TAMM41: variants seen among roughly 807,000 people sequenced by gnomAD.
TAMM41 encodes the protein TAM41 mitochondrial translocator assembly and maintenance homolog.
In TAMM41, 36 loss-of-function variants were observed where a neutral mutation model predicts 44.1. The observed-to-expected ratio is 0.82, with a 90% CI of 0.63 to 1.08. The LOEUF (loss-of-function observed/expected upper bound fraction) is 1.08. TAMM41 is among the 50% of genes least tolerant of loss of function. TAMM41 has a pLI of 0.00. For missense variants in TAMM41, 417 were observed against 404.3 expected (o/e 1.03, Z -0.27); for synonymous variants, 164 against 153.1 (o/e 1.07, Z -0.53).
At chr3:11,725,454 C>CCTTCTCCTCCTCCTCCTCCTT in the TAMM41 span, among the ~76,000 whole-genome samples, 1 of 137,722 alleles carries the variant, frequency 7.3e-6, no homozygotes, top group African/African-American at 2.8e-5. Context: ...TCCTCCTCCT[C>CCTTCTCCTCCTCCTCCTCCTT]CTTCTTCTTC....
the TAMM41 span, among the ~76,000 whole-genome samples, chr3:11,725,295 TCTC>T: frequency 6.1e-5 from 6 of 97,828 alleles, no homozygotes; most frequent in South Asian, 3.8e-4. Flanking sequence ...TTCTCCTTCT[TCTC>T]CTCCTCCTTT....
At chr3:11,809,473 T>C (rs1025841616) in intron 6 of TAMM41, 44 bp downstream of exon 6, 2 of 1,607,144 alleles carry the variant, frequency 1.2e-6, no homozygotes, top group African/African-American at 2.7e-5. Flanking sequence ...AGTCTGCTTT[T>C]CCCCATGGCT....
chr3:11,742,263 C>A, the TAMM41 span, among the ~76,000 whole-genome samples: 2 of 150,122 alleles, frequency 1.3e-5, no homozygotes, highest in African/African-American at 2.5e-5. Context: ...TCATCCCAGA[C>A]CCCTGACGAC....
intron 5 of TAMM41, among the ~76,000 whole-genome samples, chr3:11,813,828 A>ATGTGTG (rs143683206): frequency 0.13 from 17,914 of 142,354 alleles, 1,344 homozygotes; most frequent in Non-Finnish European, 0.16. Flanking sequence ...GTACAAATAT[A>ATGTGTG]TGTGTGTGTG....
intron 3 of TAMM41, among the ~76,000 whole-genome samples, chr3:11,831,511 T>G (rs185163500): frequency 6.2e-4 from 95 of 152,322 alleles, no homozygotes; most frequent in African/African-American, 2.2e-3. Context: ...CTACCATCTC[T>G]AAATCTTTTG....
the TAMM41 span, among the ~76,000 whole-genome samples, chr3:11,772,393 T>C: frequency 1.1e-4 from 16 of 152,300 alleles, 1 homozygote; most frequent in South Asian, 2.5e-3. Context: ...GTGTCTGTTT[T>C]TCTACTCTGT....
intron 3 of TAMM41, among the ~76,000 whole-genome samples, chr3:11,833,735 T>C (rs1006361887): frequency 1.3e-5 from 2 of 152,236 alleles, no homozygotes; most frequent in African/African-American, 2.4e-5. Flanking sequence ...CATTTGCTTA[T>C]AGTAGGGCAG....
chr3:11,761,998 A>G, the TAMM41 span, among the ~76,000 whole-genome samples: 1 of 150,396 alleles, frequency 6.6e-6, no homozygotes, highest in Non-Finnish European at 1.5e-5. Flanking sequence ...GAAAAAAGAG[A>G]CCCTTCCCCA....
chr3:11,813,535 A>G (rs1172160441), intron 5 of TAMM41, among the ~76,000 whole-genome samples: 4 of 152,092 alleles, frequency 2.6e-5, no homozygotes, highest in Non-Finnish European at 5.9e-5. Context: ...ATCTCAAAAA[A>G]ACAAAACAAA....
At chr3:11,818,943 T>G (rs1427475152) in intron 4 of TAMM41, among the ~76,000 whole-genome samples, 1 of 151,698 alleles carries the variant, frequency 6.6e-6, no homozygotes, top group Non-Finnish European at 1.5e-5. Context: ...GAACCCGATC[T>G]TGGTGTACAG....
Position 11,839,219 on chromosome 3 carries a change from CA to C in TAMM41, c.411+2del. The C allele has an allele frequency of 6.2e-7, 1 of 1,606,346 alleles. No homozygotes were observed. Among genetic ancestry groups the C allele is most frequent in the Non-Finnish European group, 8.5e-7 (1 of 1,173,734 alleles). On this transcript the variant is annotated splice_donor_variant, in intron 3 of 7. Transcript: ENST00000455809. LOFTEE classifies it high-confidence loss of function. ...TTAACTGTGCAGCCTATAAAACACT[CA>C]CCGGTTTTTGGAGTCGTCCAGCAAT...
At chr3:11,768,850 C>T in the TAMM41 span, among the ~76,000 whole-genome samples, 1 of 152,194 alleles carries the variant, frequency 6.6e-6, no homozygotes, top group African/African-American at 2.4e-5. Context: ...AGCTTAGGAG[C>T]ACAGTGGAGG....
the TAMM41 span, among the ~76,000 whole-genome samples, chr3:11,745,661 G>A: frequency 6.6e-6 from 1 of 152,162 alleles, no homozygotes; most frequent in Non-Finnish European, 1.5e-5. Flanking sequence ...AATAGTGGTT[G>A]CCAGGAGCTG....
At chr3:11,727,744 C>T in the TAMM41 span, among the ~76,000 whole-genome samples, 2 of 151,772 alleles carry the variant, frequency 1.3e-5, no homozygotes, top group African/African-American at 4.8e-5. Context: ...GGATTACAGA[C>T]ATAAGCCACT....
the TAMM41 span, among the ~76,000 whole-genome samples, chr3:11,730,460 C>T: frequency 2.0e-5 from 3 of 149,504 alleles, no homozygotes; most frequent in Non-Finnish European, 3.0e-5. Context: ...ATTGGCTGGG[C>T]GCGGTGGCTC....
At chr3:11,838,513 C>T (rs767168710) in intron 3 of TAMM41, among the ~76,000 whole-genome samples, 9 of 152,306 alleles carry the variant, frequency 5.9e-5, no homozygotes, top group Non-Finnish European at 1.2e-4. Flanking sequence ...CCACCACACC[C>T]AGCCGGGAAG....
In TAMM41 at chr3:11,808,315, G is replaced by A. The variant is rs181975141; in HGVS notation, c.875-420C>T. 52 of 1,018,414 alleles carry A rather than the reference G, an allele frequency of 5.1e-5. No homozygotes were observed. The East Asian group carries it at 1.2e-3, about 23-fold the overall frequency. The allele number at this position is 1,018,414 out of a possible 1,614,324, so 63.1% of individuals were successfully genotyped here. The stretch of plus-strand genomic sequence containing the variant: ...AAAACACACATACGGATTCCACAGT[G>A]AGGAACAAGTTTCACTCACCTCAAA... On this transcript the variant is annotated intron_variant, in intron 6 of 7. Transcript: ENST00000455809.
At chr3:11,748,274 A>T in the TAMM41 span, among the ~76,000 whole-genome samples, 1 of 4,632 alleles carries the variant, frequency 2.2e-4, no homozygotes, top group African/African-American at 5.2e-3. Context: ...GTACTCTTTT[A>T]TTTATTTATT....
At chr3:11,799,747 C>T (rs945858282) in intron 7 of TAMM41, among the ~76,000 whole-genome samples, 1 of 152,096 alleles carries the variant, frequency 6.6e-6, no homozygotes, top group African/African-American at 2.4e-5. Flanking sequence ...CCAATGACCC[C>T]CAGGTGAATA....
Sources: gnomAD v4.1 joint callset for allele counts (sites outside exome capture counted in the v4.1 genomes callset) on GRCh38, gnomAD v4.1.1 for gene constraint, MANE v1.5 for transcripts, NCBI Gene and HGNC (gene_info 2026-07-23, HGNC 2026-07-21) for gene names.